The following SATB2 variants were observed in gnomAD, a reference collection of about 807,000 sequenced individuals.
SATB2 encodes SATB homeobox 2, also known as DNA-binding protein SATB2.
A neutral mutation model predicts 73.4 loss-of-function variants in SATB2; 1 was observed. The observed-to-expected ratio is 0.01, with a 90% CI of 0.00 to 0.06. The LOEUF (loss-of-function observed/expected upper bound fraction) is 0.06, where lower values mean the gene tolerates loss of function less well. Among genes scored for constraint, SATB2 ranks in the 10% least tolerant of loss-of-function variants. The probability of loss-of-function intolerance (pLI) is 1.00; values close to 1 mark genes in which losing one functional copy is unlikely to be tolerated. For missense variants in SATB2, 459 were observed against 945.8 expected, an observed-to-expected ratio of 0.49 and a Z score of 6.75; for synonymous variants, 397 against 367.0, an observed-to-expected ratio of 1.08 and a Z score of -0.93.
At chr2:199,314,500 T>C (rs925779463) in intron 9 of SATB2, among the ~76,000 whole-genome samples, 2 of 152,152 alleles carry the variant, frequency 1.3e-5, no homozygotes, top group African/African-American at 4.8e-5. Context: ...TTGATTCTGT[T>C]AACAATTTTC....
intron 9 of SATB2, among the ~76,000 whole-genome samples, chr2:199,320,716 T>C (rs1687861097): frequency 6.6e-6 from 1 of 152,154 alleles, no homozygotes; most frequent in African/African-American, 2.4e-5. Flanking sequence ...GCCTGGTTCC[T>C]ACTTAAACAC....
intron 5 of SATB2, among the ~76,000 whole-genome samples, chr2:199,379,270 A>G (rs189849878): frequency 2.1e-3 from 314 of 152,294 alleles, no homozygotes; most frequent in Non-Finnish European, 3.5e-3. Context: ...CATGGTTTGT[A>G]TTAGTTTATG....
intron 3 of SATB2, among the ~76,000 whole-genome samples, chr2:199,426,211 A>G (rs1232580477): frequency 6.6e-6 from 1 of 152,226 alleles, no homozygotes; most frequent in Non-Finnish European, 1.5e-5. Flanking sequence ...GAAAAAGTAG[A>G]GAAAAGAGAG....
At chr2:199,326,512 G>C (rs528305167) in intron 8 of SATB2, among the ~76,000 whole-genome samples, 1 of 151,982 alleles carries the variant, frequency 6.6e-6, no homozygotes, top group Non-Finnish European at 1.5e-5. Context: ...AGGTGCCTAC[G>C]ATATATAATC....
chr2:199,292,503 T>C (rs962830322), intron 10 of SATB2, among the ~76,000 whole-genome samples: 1 of 152,216 alleles, frequency 6.6e-6, no homozygotes, highest in African/African-American at 2.4e-5. Context: ...TTTAAATGTC[T>C]AGTAGTGTTG....
In SATB2 at chr2:199,328,749, C is replaced by T. The variant is rs547239131; in HGVS notation, c.1335G>A (p.Val445=). 11 of 1,613,796 alleles carry T rather than the reference C, an allele frequency of 6.8e-6. No individual in the cohort carries two copies. In the East Asian group the frequency reaches 2.0e-4, roughly 29 times the overall value. The change falls in exon 8 of 11, where the codon GTG becomes GTA. Residue 445 remains valine, a synonymous_variant. Coordinates refer to ENST00000417098, the MANE Select transcript of SATB2 (RefSeq NM_001172509.2). ...DERERSMNPN[V]SMVSSASSSP... ...TGCTGGAGGCCGAGGAGACCATGCT[C>T]ACATTGGGATTCATGCTCCGCTCCC...
chr2:199,280,384 A>C (rs1366222557), intron 10 of SATB2, among the ~76,000 whole-genome samples: 1 of 152,174 alleles, frequency 6.6e-6, no homozygotes, highest in African/African-American at 2.4e-5. Flanking sequence ...AACAATATGA[A>C]ATTTGGGCAC....
chr2:199,441,795 G>GA (rs1289609972), intron 2 of SATB2, among the ~76,000 whole-genome samples: 1 of 152,236 alleles, frequency 6.6e-6, no homozygotes, highest in Non-Finnish European at 1.5e-5. Flanking sequence ...GGCTGAAGGA[G>GA]AAACTCCAGG....
intron 2 of SATB2, among the ~76,000 whole-genome samples, chr2:199,452,414 T>C (rs1357314262): frequency 1.3e-5 from 2 of 152,182 alleles, no homozygotes; most frequent in African/African-American, 2.4e-5. Flanking sequence ...TTTCATTTTA[T>C]GCTGTAAGTT....
At chr2:199,359,847 C>T (rs1487026885) in intron 6 of SATB2, among the ~76,000 whole-genome samples, 1 of 152,144 alleles carries the variant, frequency 6.6e-6, no homozygotes, top group African/African-American at 2.4e-5. Flanking sequence ...AACTCATAGT[C>T]TGATTTGTAC....
rs530350224 is a variant in SATB2, at chr2:199,372,427, T to C, written c.598-3720A>G. ...ATAGCTAGATTGATCTATCTAAAAA[T>C]AGATTTTCTTTTAGGTTCCTGAAAC... On this transcript the variant is annotated intron_variant, in intron 5 of 10. Coordinates refer to ENST00000417098, the MANE Select transcript of SATB2 (RefSeq NM_001172509.2). 2.0e-4 allele frequency among the ~76,000 whole-genome samples: 30 copies of C among 152,324 alleles called. No individual in the cohort carries two copies. The South Asian group carries it at 5.6e-3, about 28-fold the overall frequency.
Position 199,308,714 on chromosome 2 carries a change from A to C in SATB2, c.1740+46T>G. ...TGGACCCTCAGCAGCTACTGCTGGC[A>C]CACAGAGCCCTGATCAGGTGGGGTA... On this transcript the variant is annotated intron_variant, in intron 10 of 10. Coordinates refer to ENST00000417098, the MANE Select transcript of SATB2 (RefSeq NM_001172509.2). This position sits in a 1 kb window ranked among gnomAD's most constrained non-coding sequence, Gnocchi z 4.6. The C allele has an allele frequency of 1.3e-6, 2 of 1,550,496 alleles. No homozygotes were observed. Among genetic ancestry groups the C allele is most frequent in the East Asian group, 4.5e-5 (2 of 44,480 alleles).
intron 9 of SATB2, among the ~76,000 whole-genome samples, chr2:199,322,561 C>G (rs1452527297): frequency 1.3e-5 from 2 of 152,124 alleles, no homozygotes; most frequent in African/African-American, 2.4e-5. Context: ...TCAGAGTAAT[C>G]TGGAAAACTT....
At chr2:199,273,575 A>G (rs762346120) in intron 10 of SATB2, among the ~76,000 whole-genome samples, 9 of 152,232 alleles carry the variant, frequency 5.9e-5, no homozygotes, top group Non-Finnish European at 1.0e-4. Flanking sequence ...TGTATTTTTT[A>G]GAATGAGAAA....
At chr2:199,458,710 G>A (rs1692377385), upstream of SATB2, 2 of 441,646 alleles carry the variant, frequency 4.5e-6, no homozygotes, top group Non-Finnish European at 9.0e-6. Context: ...TTAACTGCGC[G>A]GAGTACTTTC....
intron 10 of SATB2, among the ~76,000 whole-genome samples, chr2:199,283,932 T>C (rs1235191377): frequency 1.3e-5 from 2 of 152,200 alleles, no homozygotes; most frequent in Non-Finnish European, 2.9e-5. Flanking sequence ...ACTTGAAAGC[T>C]GAGCCACCCA....
At chr2:199,459,093 G>A (rs1384848340), upstream of SATB2, among the ~76,000 whole-genome samples, 3 of 152,056 alleles carry the variant, frequency 2.0e-5, no homozygotes, top group Admixed American at 2.0e-4. The surrounding 1 kb of genome is among the most constrained non-coding windows in gnomAD (Gnocchi z 4.2). Flanking sequence ...TGCAAACCGG[G>A]CCGCCTGGAG....
chr2:199,381,856 T>C, intron 3 of SATB2, 36 bp from the exon 4 acceptor site: 1 of 1,609,812 alleles, frequency 6.2e-7, no homozygotes, highest in South Asian at 1.1e-5. Flanking sequence ...AACACATATC[T>C]GCTATTTATT....
chr2:199,291,072 T>C (rs796551697), intron 10 of SATB2, among the ~76,000 whole-genome samples: 2 of 152,180 alleles, frequency 1.3e-5, no homozygotes, highest in Non-Finnish European at 2.9e-5. Flanking sequence ...CAAAATACTA[T>C]AGAAAACACT....
Sources: allele counts gnomAD v4.1 joint callset (sites outside exome capture counted in the v4.1 genomes callset), GRCh38; gene constraint gnomAD v4.1.1; non-coding constraint Gnocchi (gnomAD v3.1); transcripts MANE v1.5; gene names NCBI Gene and HGNC (gene_info 2026-07-23, HGNC 2026-07-21).